LRRC4C: variants seen among roughly 807,000 people sequenced by gnomAD.
The protein encoded by LRRC4C is leucine-rich repeat-containing protein 4C.
Under a neutral mutation model 33.6 loss-of-function variants are expected in LRRC4C, and 5 were observed. That is an observed-to-expected ratio of 0.15 (90% confidence interval 0.08 to 0.31). The LOEUF is 0.31. LRRC4C is among the 10% of genes least tolerant of loss of function. The probability of loss-of-function intolerance (pLI) is 1.00; values close to 1 mark genes in which losing one functional copy is unlikely to be tolerated. For synonymous variants in LRRC4C, 329 were observed against 302.0 expected (o/e 1.09, Z -0.93); for missense variants, 560 against 796.7 (o/e 0.70, Z 3.58).
rs138723425 is a variant in LRRC4C at position 41,011,909 on chromosome 11, G to A, written c.-495-78186C>T. Among the ~76,000 whole-genome samples, 740 of 146,804 alleles carry A rather than the reference G, an allele frequency of 5.0e-3. 2 individuals are homozygous for A. Among genetic ancestry groups the A allele is most frequent in the African/African-American group, 0.017 (685 of 40,456 alleles). The stretch of plus-strand genomic sequence containing the variant: ...GTCACCCAGGCTGGAGTGCAGTGGT[G>A]TGATCTTGGCTCACTGCAACCTTTG... On this transcript the variant is annotated intron_variant, in intron 1 of 6. Coordinates refer to ENST00000528697, the MANE Select transcript of LRRC4C (RefSeq NM_001258419.2).
At chr11:40,576,007 A>G (rs1186616328) in intron 3 of LRRC4C, among the ~76,000 whole-genome samples, 1 of 152,236 alleles carries the variant, frequency 6.6e-6, no homozygotes, top group Non-Finnish European at 1.5e-5. Context: ...TTCCTTGCCC[A>G]TAGCCTCATT....
chr11:40,473,123 A>G (rs1021191969), intron 3 of LRRC4C, among the ~76,000 whole-genome samples: 2 of 152,212 alleles, frequency 1.3e-5, no homozygotes, highest in Non-Finnish European at 2.9e-5. Flanking sequence ...CATCATCCTG[A>G]TACAAAACTT....
At chr11:41,098,359 T>C (rs1397321960) in intron 1 of LRRC4C, among the ~76,000 whole-genome samples, 1 of 152,152 alleles carries the variant, frequency 6.6e-6, no homozygotes, top group African/African-American at 2.4e-5. Context: ...GCTTCAATTT[T>C]TAAATTATTG....
intron 1 of LRRC4C, chr11:41,426,299 T>C (rs1955041191): frequency 6.6e-6 from 1 of 152,240 alleles, no homozygotes; most frequent in Non-Finnish European, 1.5e-5. Context: ...CCTTGGGACT[T>C]CTCAGGCTGC....
At chr11:40,473,992 A>G (rs1454031402) in intron 3 of LRRC4C, among the ~76,000 whole-genome samples, 1 of 152,214 alleles carries the variant, frequency 6.6e-6, no homozygotes, top group Non-Finnish European at 1.5e-5. Flanking sequence ...GGTCATGGAT[A>G]GAAAGAATCA....
intron 1 of LRRC4C, among the ~76,000 whole-genome samples, chr11:41,103,346 G>A (rs2135635495): frequency 6.6e-6 from 1 of 151,892 alleles, no homozygotes; most frequent in South Asian, 2.1e-4. Flanking sequence ...TCACAGATAG[G>A]GACTGAAATT....
chr11:40,489,861 A>G (rs2138501838), intron 3 of LRRC4C, among the ~76,000 whole-genome samples: 1 of 152,258 alleles, frequency 6.6e-6, no homozygotes, highest in Non-Finnish European at 1.5e-5. Context: ...TAGTGAGTAA[A>G]CCAATCCTTT....
intron 4 of LRRC4C, among the ~76,000 whole-genome samples, chr11:40,248,276 C>G (rs1055758812): frequency 2.6e-5 from 4 of 152,146 alleles, no homozygotes; most frequent in Admixed American, 6.5e-5. Context: ...CATTCATGTT[C>G]CTAAGATAGT....
intron 2 of LRRC4C, among the ~76,000 whole-genome samples, chr11:40,704,838 T>C (rs1273420955): frequency 6.6e-6 from 1 of 152,160 alleles, no homozygotes; most frequent in Non-Finnish European, 1.5e-5. Flanking sequence ...GAAACTGCAC[T>C]ATTTTAAGGG....
intron 1 of LRRC4C, among the ~76,000 whole-genome samples, chr11:40,975,665 G>T (rs115189208): frequency 0.022 from 3,328 of 152,240 alleles, 36 homozygotes; most frequent in Middle Eastern, 0.044. Flanking sequence ...TGTTCACAGA[G>T]GTGAACTCAT....
At chr11:40,194,824 T>C (rs1471145837) in intron 5 of LRRC4C, among the ~76,000 whole-genome samples, 5 of 152,130 alleles carry the variant, frequency 3.3e-5, no homozygotes, top group South Asian at 2.1e-4. Flanking sequence ...CATGGTGGCT[T>C]ACGCCTGTAA....
At chr11:41,377,819 T>A (rs1290884672) in intron 1 of LRRC4C, among the ~76,000 whole-genome samples, 1 of 152,150 alleles carries the variant, frequency 6.6e-6, no homozygotes, top group South Asian at 2.1e-4. Context: ...TGCCACTCAG[T>A]CCCTTTACTG....
At chr11:41,074,200 G>A (rs1041990892) in intron 1 of LRRC4C, among the ~76,000 whole-genome samples, 12 of 152,090 alleles carry the variant, frequency 7.9e-5, no homozygotes, top group Non-Finnish European at 1.5e-4. Context: ...AAACTTAAGA[G>A]TACTAAGAAT....
At chr11:41,331,637 G>A (rs1951297454) in intron 1 of LRRC4C, among the ~76,000 whole-genome samples, 1 of 152,084 alleles carries the variant, frequency 6.6e-6, no homozygotes, top group Non-Finnish European at 1.5e-5. Flanking sequence ...TCCTCTGCCT[G>A]ACAATCTTTT....
chr11:41,042,462 G>C (rs1259888271), intron 1 of LRRC4C, among the ~76,000 whole-genome samples: 2 of 152,114 alleles, frequency 1.3e-5, no homozygotes, highest in South Asian at 2.1e-4. Flanking sequence ...GAACAAAAAT[G>C]AGCCACATGG....
At chr11:41,006,365 A>C (rs1854753063) in intron 1 of LRRC4C, among the ~76,000 whole-genome samples, 1 of 152,206 alleles carries the variant, frequency 6.6e-6, no homozygotes, top group African/African-American at 2.4e-5. Flanking sequence ...TCAGAGTTGC[A>C]GAGTCTTACC....
At chr11:40,800,003 C>T (rs1384647025) in intron 2 of LRRC4C, among the ~76,000 whole-genome samples, 1 of 151,726 alleles carries the variant, frequency 6.6e-6, no homozygotes, top group Non-Finnish European at 1.5e-5. Context: ...AAACATGTAG[C>T]TAAGAAAAGA....
At chr11:41,123,261 GTTTTTTTTTT>G (rs1217714729) in intron 1 of LRRC4C, among the ~76,000 whole-genome samples, 22 of 48,076 alleles carry the variant, frequency 4.6e-4, no homozygotes, top group African/African-American at 1.1e-3. Context: ...GCTATGTTTT[GTTTTTTTTTT>G]TTTTTTTTTT....
chr11:40,978,153 C>T (rs557455768), intron 1 of LRRC4C, among the ~76,000 whole-genome samples: 5 of 152,268 alleles, frequency 3.3e-5, no homozygotes, highest in South Asian at 4.1e-4. Context: ...TTAGGCTCTC[C>T]GTTGATCTTC....
Sources: gnomAD v4.1 joint callset for allele counts (sites outside exome capture counted in the v4.1 genomes callset) on GRCh38, gnomAD v4.1.1 for gene constraint, MANE v1.5 for transcripts, NCBI Gene and HGNC (gene_info 2026-07-23, HGNC 2026-07-21) for gene names.